The following ZNF71 variants were observed in gnomAD, a reference collection of about 807,000 sequenced individuals.
The protein encoded by ZNF71 is zinc finger protein 71, also known as endothelial zinc finger protein induced by tumor necrosis factor alpha.
ZNF71 carries 3 observed loss-of-function variants against 6.7 expected under a neutral mutation model. The ratio of observed to expected loss-of-function variants is 0.45; its 90% CI spans 0.20 to 1.16. ZNF71 has a LOEUF of 1.16. ZNF71 is among the 50% of genes most tolerant of loss of function. The pLI, the probability that ZNF71 is intolerant of heterozygous loss-of-function variation, is 0.25. For synonymous variants in ZNF71, 343 were observed against 311.1 expected, an observed-to-expected ratio of 1.10 and a Z score of -1.08; for missense variants, 688 against 728.6, an observed-to-expected ratio of 0.94 and a Z score of 0.64.
chr19:56,621,912 A>G lies in ZNF71; in HGVS notation c.805A>G (p.Thr269Ala), dbSNP rs1363624326. ...MNLTVHQRTHTGEKPYVCDVC... is the reference protein window; with the variant it reads ...MNLTVHQRTHAGEKPYVCDVC... Reference sequence around the variant, plus strand: ...CCTCACTGTGCACCAGCGCACGCACACGGGCGAGAAGCCGTATGTGTGCGA... The same window carrying G: ...CCTCACTGTGCACCAGCGCACGCACGCGGGCGAGAAGCCGTATGTGTGCGA... Residue 269 changes from threonine to alanine, a missense_variant, in exon 4 of 4, where the codon ACG (threonine) becomes GCG (alanine). Coordinates refer to ENST00000599599, the MANE Select transcript of ZNF71 (RefSeq NM_001370215.1). The G allele has an allele frequency of 6.2e-7, 1 of 1,613,336 alleles. No individual in the cohort carries two copies. The highest frequency in any genetic ancestry group is 1.7e-5 in the Admixed American group (1 of 59,930).
Position 56,601,494 on chromosome 19 carries a change from C to A in ZNF71, c.-52-13C>A. 2.0e-6 allele frequency: 2 copies of A among 980,892 alleles called. No homozygotes were observed. Among genetic ancestry groups the A allele is most frequent in the Non-Finnish European group, 2.4e-6 (2 of 825,526 alleles). The allele number at this position is 980,892 out of a possible 1,614,324, so 60.8% of individuals were successfully genotyped here. On this transcript the variant is annotated splice_polypyrimidine_tract_variant and intron_variant, in intron 1 of 3. Coordinates refer to ENST00000599599, the MANE Select transcript of ZNF71 (RefSeq NM_001370215.1). ...GGTCTCTCAGCATGCCTCCCTCTTTCTTCTCCCTACAGCACTGTTGGTCAC... is the reference window on the plus strand; with the variant it reads ...GGTCTCTCAGCATGCCTCCCTCTTTATTCTCCCTACAGCACTGTTGGTCAC...
chr19:56,613,974 C>T lies in ZNF71; in HGVS notation c.160+36C>T. ...GCTTCGTTGAGTTACTCATCATTGGCCCATAACTTCAGGACCACAAATAAA... is the reference window on the plus strand; with the variant it reads ...GCTTCGTTGAGTTACTCATCATTGGTCCATAACTTCAGGACCACAAATAAA... On this transcript the variant is annotated intron_variant, in intron 3 of 3. Coordinates refer to ENST00000599599, the MANE Select transcript of ZNF71 (RefSeq NM_001370215.1). This position sits in a 1 kb window ranked among gnomAD's most constrained non-coding sequence, Gnocchi z 4.6. 9.4e-7 allele frequency: 1 copy of T among 1,064,586 alleles called. No individual in the cohort carries two copies. Among genetic ancestry groups the T allele is most frequent in the South Asian group, 3.4e-5 (1 of 29,104 alleles). The allele number at this position is 1,064,586 out of a possible 1,614,324, so 65.9% of individuals were successfully genotyped here. A position where few individuals can be genotyped will look rare whatever the true frequency, so the allele number is the denominator to read the frequency against.
Position 56,622,982 on chromosome 19 carries a change from A to G in ZNF71, c.*225A>G. 1.6e-6 allele frequency: 1 copy of G among 618,114 alleles called. No homozygotes were observed. The highest frequency in any genetic ancestry group is 2.8e-6 in the Non-Finnish European group (1 of 351,946). 38.3% of individuals were successfully genotyped at this position (618,114 alleles called of 1,614,324 possible). A position where few individuals can be genotyped will look rare whatever the true frequency, so the allele number is the denominator to read the frequency against. ...TGTCTGACGTATCTGGGGACACTTC[A>G]AGGTTCACTGTAGCTGAGCCATGGC... On this transcript the variant is annotated 3_prime_UTR_variant, in exon 4 of 4. Coordinates refer to ENST00000599599, the MANE Select transcript of ZNF71 (RefSeq NM_001370215.1).
chr19:56,599,217 A>G (rs2044648383), intron 1 of ZNF71, among the ~76,000 whole-genome samples: 1 of 152,190 alleles, frequency 6.6e-6, no homozygotes, highest in Non-Finnish European at 1.5e-5. Context: ...GTGAGCCCCC[A>G]TCACGGGAGA....
intron 3 of ZNF71, 91 bp from the exon 4 acceptor site, chr19:56,621,176 CG>C (rs2044842319): frequency 7.7e-7 from 1 of 1,304,304 alleles, no homozygotes; most frequent in African/African-American, 1.5e-5. Context: ...TCATTGGGGT[CG>C]GTTTCATTTG....
rs562627527 is a variant in ZNF71, at chr19:56,621,887, C to T, written c.780C>T (p.Asn260=). The T allele has an allele frequency of 2.5e-6, 4 of 1,611,774 alleles. No individual in the cohort carries two copies. In the Admixed American group the frequency reaches 6.7e-5, roughly 27 times the overall value. Reference sequence around the variant, plus strand: ...GCAAGGCCTTCAGCCAGCGCATGAACCTCACTGTGCACCAGCGCACGCACA... The same window carrying T: ...GCAAGGCCTTCAGCCAGCGCATGAATCTCACTGTGCACCAGCGCACGCACA... ...DCGKAFSQRM[N]LTVHQRTHTG... Residue 260 remains asparagine (N), a synonymous_variant, in exon 4 of 4, where the codon AAC becomes AAT. Transcript: ENST00000599599.
At chr19:56,619,943 C>T (rs1408439119) in intron 3 of ZNF71, among the ~76,000 whole-genome samples, 7 of 152,110 alleles carry the variant, frequency 4.6e-5, no homozygotes, top group African/African-American at 1.4e-4. Flanking sequence ...ACAGGATACA[C>T]GTGGAAGGTG....
rs117404223 is a variant in ZNF71, at chr19:56,598,126, T to A, written c.-53+2698T>A. Among the ~76,000 whole-genome samples the A allele has an allele frequency of 8.8e-4, 134 of 152,250 alleles. 4 individuals are homozygous for A. The East Asian group carries it at 0.024, about 28-fold the overall frequency. ...ACAACTATTTTAAAAAAGACAGTTG[T>A]CAATAGTGGTTTGTACTGCAAGAAA... On this transcript the variant is annotated intron_variant, in intron 1 of 3. Coordinates refer to ENST00000599599, the MANE Select transcript of ZNF71 (RefSeq NM_001370215.1). The surrounding 1 kb of genome is among the most constrained non-coding windows in gnomAD (Gnocchi z 4.2).
chr19:56,621,577 C>G lies in ZNF71; in HGVS notation c.470C>G (p.Thr157Arg). Residue 157 changes from threonine (T) to arginine (R), a missense_variant, in exon 4 of 4, where the codon ACA becomes AGA. Thr to Arg is a moderately conservative substitution (Grantham distance 71). Transcript: ENST00000599599. ...GTCCCACCACGGCTGGACGACCCCA[C>G]AGAAAAGGGGGCCTGTCCACCCGTA... The part of the protein sequence containing the change: ...VLVPPRLDDP[T>R]EKGACPPVRR... The G allele has an allele frequency of 6.2e-7, 1 of 1,614,204 alleles. No homozygotes were observed. The highest frequency in any genetic ancestry group is 2.2e-5 in the East Asian group (1 of 44,888).
Position 56,623,815 on chromosome 19 carries a change from G to C in ZNF71, c.*1058G>C, listed in dbSNP as rs561630722. ...CTTGTGTCTTGATGTGTGTCTTCAC[G>C]TGGTTGTAAACGGCAGACTTCCTCA... On this transcript the variant is annotated 3_prime_UTR_variant, in exon 4 of 4. Coordinates refer to ENST00000599599, the MANE Select transcript of ZNF71 (RefSeq NM_001370215.1). 1.2e-5 allele frequency: 2 copies of C among 167,122 alleles called. No homozygotes were observed. The highest frequency in any genetic ancestry group is 2.9e-5 in the Non-Finnish European group (2 of 68,154). 10.4% of individuals were successfully genotyped at this position (167,122 alleles called of 1,614,324 possible). A position where few individuals can be genotyped will look rare whatever the true frequency, so the allele number is the denominator to read the frequency against.
intron 3 of ZNF71, 137 bp downstream of exon 3, chr19:56,614,075 A>G: frequency 1.5e-6 from 1 of 685,570 alleles, no homozygotes; most frequent in Non-Finnish European, 1.8e-6. Flanking sequence ...GCTAAAAATA[A>G]AGTTGATCAC....
rs1280365645 is a variant in ZNF71, at chr19:56,623,063, G to A, written c.*306G>A. The A allele has an allele frequency of 2.4e-6, 1 of 415,818 alleles. No individual in the cohort carries two copies. Among genetic ancestry groups the A allele is most frequent in the Non-Finnish European group, 4.5e-6 (1 of 224,024 alleles). The allele number at this position is 415,818 out of a possible 1,614,324, so 25.8% of individuals were successfully genotyped here. On this transcript the variant is annotated 3_prime_UTR_variant, in exon 4 of 4. Coordinates refer to ENST00000599599, the MANE Select transcript of ZNF71 (RefSeq NM_001370215.1). ...AGCCCTCTTGAGTAACTGTCCTAGA[G>A]CTGGGACAGGTCACGCCTGCCTCCA...
rs925648517 is a variant in ZNF71, at chr19:56,623,353, G to A, written c.*596G>A. On this transcript the variant is annotated 3_prime_UTR_variant, in exon 4 of 4. Coordinates refer to ENST00000599599, the MANE Select transcript of ZNF71 (RefSeq NM_001370215.1). The stretch of plus-strand genomic sequence containing the variant: ...TTTTTTTCAGAGTTAGCAAATAACA[G>A]TAACTACTGCTTTGAATGCCAAAGT... The A allele has an allele frequency of 2.4e-5, 4 of 167,932 alleles. No homozygotes were observed. The highest frequency in any genetic ancestry group is 9.6e-5 in the African/African-American group (4 of 41,464). 10.4% of individuals were successfully genotyped at this position (167,932 alleles called of 1,614,324 possible).
In ZNF71 at chr19:56,621,533, C is replaced by T. The variant is rs182001956; in HGVS notation, c.426C>T (p.Ala142=). 2 of 1,614,214 alleles carry T rather than the reference C, an allele frequency of 1.2e-6. No homozygotes were observed. Among genetic ancestry groups the T allele is most frequent in the East Asian group, 4.5e-5 (2 of 44,880 alleles). The change falls in exon 4 of 4, where the codon GCC becomes GCT. Residue 142 remains alanine, a synonymous_variant. Coordinates refer to ENST00000599599, the MANE Select transcript of ZNF71 (RefSeq NM_001370215.1). ...CATGTCATGAACTGAAGGCATTTGC[C>T]AACCAAGGCTGTGTCCTGGTCCCAC... ...VPACHELKAF[A]NQGCVLVPPR... is the part of the protein sequence containing the mutation.
At chr19:56,597,485 A>C (rs1195825377) in intron 1 of ZNF71, among the ~76,000 whole-genome samples, 1 of 152,182 alleles carries the variant, frequency 6.6e-6, no homozygotes, top group African/African-American at 2.4e-5. Flanking sequence ...AGCCTTCCCC[A>C]GGCTGGAAGA....
chr19:56,622,104 C>T lies in ZNF71; in HGVS notation c.997C>T (p.Pro333Ser), dbSNP rs368689449. 6 of 1,593,152 alleles carry T rather than the reference C, an allele frequency of 3.8e-6. No individual in the cohort carries two copies. The highest frequency in any genetic ancestry group is 4.6e-5 in the East Asian group (2 of 43,532). The change falls in exon 4 of 4, where the codon CCC becomes TCC. Residue 333 changes from proline to serine, a missense_variant. Coordinates refer to ENST00000599599, the MANE Select transcript of ZNF71 (RefSeq NM_001370215.1). Reference protein sequence around the residue: ...THTGEKPYVCPECGRAFSQNM... With the variant: ...THTGEKPYVCSECGRAFSQNM... ...CACCGGGGAGAAGCCGTACGTGTGC[C>T]CCGAGTGCGGGCGAGCCTTCAGCCA...
chr19:56,622,611 C>G lies in ZNF71; in HGVS notation c.1504C>G (p.Gln502Glu), dbSNP rs111496682. ...HTGEKPYRCG[Q>E]CGKSFIKNSS... ...CGGCGAGAAGCCGTACAGGTGCGGC[C>G]AGTGCGGGAAGTCCTTCATCAAGAA... is the stretch of plus-strand genomic sequence containing the variant. Residue 502 changes from glutamine (Q) to glutamate (E), a missense_variant, in exon 4 of 4, where the codon CAG becomes GAG. Coordinates refer to ENST00000599599, the MANE Select transcript of ZNF71 (RefSeq NM_001370215.1). 8 of 1,607,732 alleles carry G rather than the reference C, an allele frequency of 5.0e-6. No homozygotes were observed. In the Admixed American group the frequency reaches 1.4e-4, roughly 27 times the overall value.
At chr19:56,596,654 C>A (rs2044627548) in intron 1 of ZNF71, among the ~76,000 whole-genome samples, 1 of 152,144 alleles carries the variant, frequency 6.6e-6, no homozygotes, top group Non-Finnish European at 1.5e-5. Context: ...CAGTGCTGGC[C>A]ATTTATAGAT....
rs575858520 is a variant in ZNF71 at position 56,601,834 on chromosome 19, C to G, written c.33+243C>G. Among the ~76,000 whole-genome samples the G allele has an allele frequency of 3.3e-5, 5 of 152,224 alleles. No individual in the cohort carries two copies. In the South Asian group the frequency reaches 1.0e-3, roughly 32 times the overall value. ...ACTCTTAGGAGACACAGGTGGGCAC[C>G]TGTGGGAAGTGGTGGTTTAGACATG... On this transcript the variant is annotated intron_variant, in intron 2 of 3. Transcript: ENST00000599599.
Sources: allele counts gnomAD v4.1 joint callset (sites outside exome capture counted in the v4.1 genomes callset), GRCh38; gene constraint gnomAD v4.1.1; non-coding constraint Gnocchi (gnomAD v3.1); transcripts MANE v1.5; gene names NCBI Gene and HGNC (gene_info 2026-07-23, HGNC 2026-07-21).